The following TNFRSF25 variants were observed in gnomAD, a reference collection of about 807,000 sequenced individuals.
TNFRSF25 encodes tumor necrosis factor receptor superfamily member 25.
In TNFRSF25, 28 loss-of-function variants were observed where a neutral mutation model predicts 49.4. That is an observed-to-expected ratio of 0.57 (90% CI 0.42 to 0.78). The LOEUF (loss-of-function observed/expected upper bound fraction) is 0.78, where lower values mean the gene tolerates loss of function less well. Among genes scored for constraint, TNFRSF25 ranks in the 30% least tolerant of loss-of-function variants. The pLI, the probability that TNFRSF25 is intolerant of heterozygous loss-of-function variation, is 0.00. For missense variants in TNFRSF25, 531 were observed against 581.6 expected (o/e 0.91, Z 0.90); for synonymous variants, 240 against 234.2 (o/e 1.02, Z -0.23).
At chr1:6,465,840 G>C (rs946624431) in intron 1 of TNFRSF25, 36 of 1,425,056 alleles carry the variant, frequency 2.5e-5, no homozygotes, top group Admixed American at 6.0e-5. Context: ...CTTTCTGTTG[G>C]GGGAGGGACA....
chr1:6,465,817 A>C, intron 1 of TNFRSF25: 1 of 1,415,770 alleles, frequency 7.1e-7, no homozygotes, highest in South Asian at 1.6e-5. Context: ...CAGCGCCCCC[A>C]CCCCCACCCA....
chr1:6,465,750 G>A (rs912326464), intron 1 of TNFRSF25, 190 bp from the exon 2 acceptor site: 2 of 1,428,428 alleles, frequency 1.4e-6, no homozygotes, highest in Non-Finnish European at 1.8e-6. Context: ...ACCAGGCTTC[G>A]GAGGGGGCGC....
At chr1:6,463,407 G>A (rs1302189875) in intron 5 of TNFRSF25, 4 of 542,628 alleles carry the variant, frequency 7.4e-6, no homozygotes, top group Non-Finnish European at 1.3e-5. Flanking sequence ...AGAACAGTGT[G>A]TAGAACATAG....
intron 1 of TNFRSF25, 189 bp downstream of exon 1, chr1:6,465,880 C>G: frequency 1.4e-6 from 2 of 1,420,924 alleles, no homozygotes; most frequent in Non-Finnish European, 1.8e-6. Context: ...GGCCCCCAGA[C>G]CCTCCTGGGA....
At position 6,462,350 on chromosome 1, in the gene TNFRSF25, G is replaced by A; in HGVS notation, c.745-176C>T. The A allele has an allele frequency of 1.7e-6, 2 of 1,145,416 alleles. No individual in the cohort carries two copies. Among genetic ancestry groups the A allele is most frequent in the Admixed American group, 3.0e-5 (1 of 33,796 alleles). The allele number at this position is 1,145,416 out of a possible 1,614,324, so 71.0% of individuals were successfully genotyped here. A position where few individuals can be genotyped will look rare whatever the true frequency, so the allele number is the denominator to read the frequency against. On this transcript the variant is annotated intron_variant, in intron 8 of 9. Coordinates refer to ENST00000356876, the MANE Select transcript of TNFRSF25 (RefSeq NM_003790.3). This position sits in a 1 kb window ranked among gnomAD's most constrained non-coding sequence, Gnocchi z 4.2. ...CCAGCAGAACTCTTGCTTCTGCCTT[G>A]AGTCCCCTGCCCCCGCCTCCTTCCT...
chr1:6,463,166 C>T lies in TNFRSF25; in HGVS notation c.543-39G>A, dbSNP rs766328501. Reference sequence around the variant, plus strand: ...GGGTGGCCTGAGGGATGAGGGGGTGCATGCCAGGAGGGGCTCCCTAAGACT... The same window carrying T: ...GGGTGGCCTGAGGGATGAGGGGGTGTATGCCAGGAGGGGCTCCCTAAGACT... On this transcript the variant is annotated intron_variant, in intron 5 of 9. Coordinates refer to ENST00000356876, the MANE Select transcript of TNFRSF25 (RefSeq NM_003790.3). The T allele has an allele frequency of 8.6e-5, 133 of 1,546,250 alleles. 1 individual carries two copies. In the East Asian group the frequency reaches 3.2e-3, roughly 37 times the overall value.
Position 6,462,475 on chromosome 1 carries a change from C to G in TNFRSF25, c.744+154G>C, listed in dbSNP as rs1644206306. 1 of 1,492,860 alleles carries G rather than the reference C, an allele frequency of 6.7e-7. No homozygotes were observed. Among genetic ancestry groups the G allele is most frequent in the Admixed American group, 2.4e-5 (1 of 41,674 alleles). 92.5% of individuals were successfully genotyped at this position (1,492,860 alleles called of 1,614,324 possible). The stretch of plus-strand genomic sequence containing the variant: ...ACTGAGCACCCCTTGAGGGCAGGCA[C>G]TGTGCTGGTCTCATCCACTGATGAC... On this transcript the variant is annotated intron_variant, in intron 8 of 9. Transcript: ENST00000356876. The surrounding 1 kb of genome is among the most constrained non-coding windows in gnomAD (Gnocchi z 4.2).
rs557759297 is a variant in TNFRSF25 at position 6,465,611 on chromosome 1, C to G, written c.40-51G>C. ...CAGCGCAGCTGCCCACGTGGGGCCTCTCCCTGCTGCGTCTCCTCCATTTCA... is the reference window on the plus strand; with the variant it reads ...CAGCGCAGCTGCCCACGTGGGGCCTGTCCCTGCTGCGTCTCCTCCATTTCA... On this transcript the variant is annotated intron_variant, in intron 1 of 9. Transcript: ENST00000356876. The G allele has an allele frequency of 5.1e-6, 8 of 1,580,468 alleles. No homozygotes were observed. The East Asian group carries it at 1.4e-4, about 28-fold the overall frequency.
Position 6,462,744 on chromosome 1 carries a change from T to C in TNFRSF25, c.707-78A>G. ...GGGTGCTGGTACAGCTCCTCTAGGG[T>C]TCCTCTGCACCCCACACTCCCTGCC... On this transcript the variant is annotated intron_variant, in intron 7 of 9. Transcript: ENST00000356876. The surrounding 1 kb of genome is among the most constrained non-coding windows in gnomAD (Gnocchi z 4.2). 1 of 1,591,686 alleles carries C rather than the reference T, an allele frequency of 6.3e-7. No homozygotes were observed.
chr1:6,464,394 C>T lies in TNFRSF25; in HGVS notation c.523G>A (p.Gly175Ser), dbSNP rs776514042. Reference protein sequence around the residue: ...CLPGFYEHGDGCVSCPTSTLG... With the variant: ...CLPGFYEHGDSCVSCPTSTLG... ...AATTACGTGGGGCAGGACACGCAGC[C>T]ATCGCCATGTTCATAGAAGCCAGGC... Residue 175 changes from glycine to serine, a missense_variant, in exon 5 of 10, where the codon GGC becomes AGC. Physicochemically the swap from Gly to Ser is moderately conservative, Grantham distance 56. Coordinates refer to ENST00000356876, the MANE Select transcript of TNFRSF25 (RefSeq NM_003790.3). The T allele has an allele frequency of 3.2e-5, 52 of 1,610,664 alleles. No individual in the cohort carries two copies. Among genetic ancestry groups the T allele is most frequent in the Non-Finnish European group, 3.9e-5 (46 of 1,178,806 alleles).
rs997576431 is a variant in TNFRSF25 at position 6,461,283 on chromosome 1, G to A, written c.*151C>T. On this transcript the variant is annotated 3_prime_UTR_variant, in exon 10 of 10. Transcript: ENST00000356876. This position sits in a 1 kb window ranked among gnomAD's most constrained non-coding sequence, Gnocchi z 6.3. ...CTTCTTCGCCTTGGCTGGAGCGATA[G>A]GGGCGAGCAGGGGTGGGGCCGGCTG... 2 of 974,752 alleles carry A rather than the reference G, an allele frequency of 2.1e-6. No individual in the cohort carries two copies. The highest frequency in any genetic ancestry group is 3.2e-6 in the Non-Finnish European group (2 of 622,904). The allele number at this position is 974,752 out of a possible 1,614,324, so 60.4% of individuals were successfully genotyped here.
chr1:6,464,663 T>C lies in TNFRSF25; in HGVS notation c.352A>G (p.Lys118Glu). The change falls in exon 4 of 10, where the codon AAG (lysine) becomes GAG (glutamate). Residue 118 changes from lysine (K) to glutamate (E), a missense_variant. Transcript: ENST00000356876. ...TGGCACTCCACAAACCAGCCTGGCT[T>C]ACAGCCACAGCGGGTGTCGGCCACT... is the stretch of plus-strand genomic sequence containing the variant. ...SAVADTRCGC[K>E]PGWFVECQVS... is the part of the protein sequence containing the mutation. The C allele has an allele frequency of 6.2e-7, 1 of 1,614,034 alleles. No homozygotes were observed. Among genetic ancestry groups the C allele is most frequent in the Non-Finnish European group, 8.5e-7 (1 of 1,180,022 alleles).
Position 6,462,133 on chromosome 1 carries a change from T to C in TNFRSF25, c.786A>G (p.Leu262=), listed in dbSNP as rs369486433. The C allele has an allele frequency of 2.7e-5, 43 of 1,613,042 alleles. No homozygotes were observed. Among genetic ancestry groups the C allele is most frequent in the Non-Finnish European group, 3.5e-5 (41 of 1,179,692 alleles). Residue 262 remains leucine (L), a synonymous_variant, in exon 9 of 10, where the codon CTA becomes CTG. Transcript: ENST00000356876. This position sits in a 1 kb window ranked among gnomAD's most constrained non-coding sequence, Gnocchi z 4.2. The part of the protein sequence containing the change: ...LSPLDSAHTL[L]APPDSSEKIC... ...TCTTCTCACTGCTGTCAGGAGGTGC[T>C]AGAAGGGTGTGGGCGCTGTCCAAGG...
chr1:6,464,180 A>G (rs1557727263), intron 5 of TNFRSF25, 195 bp downstream of exon 5: 6 of 1,443,570 alleles, frequency 4.2e-6, no homozygotes, highest in Non-Finnish European at 5.5e-6. Flanking sequence ...ACCCTTATGT[A>G]TCTGGCTAAG....
At position 6,466,164 on chromosome 1, in the gene TNFRSF25, T is replaced by C; in HGVS notation, c.-57A>G. ...GCTCCGTGCTCTCTGCCCGTCGTGG[T>C]TCCGCCTTCAGCCCCGCGCCCGCAG... is the stretch of plus-strand genomic sequence containing the variant. On this transcript the variant is annotated 5_prime_UTR_variant, in exon 1 of 10. Transcript: ENST00000356876. The C allele has an allele frequency of 7.3e-7, 1 of 1,379,294 alleles. No homozygotes were observed. 85.4% of individuals were successfully genotyped at this position (1,379,294 alleles called of 1,614,324 possible).
At chr1:6,465,784 C>T (rs1432502033) in intron 1 of TNFRSF25, 15 of 1,427,576 alleles carry the variant, frequency 1.1e-5, no homozygotes, top group African/African-American at 4.3e-5. Flanking sequence ...ACAAGTTTCC[C>T]CTCCACCAGA....
Position 6,461,699 on chromosome 1 carries a change from TGCA to T in TNFRSF25, c.986_988del (p.Leu329del), listed in dbSNP as rs769907640. The T allele has an allele frequency of 3.2e-6, 5 of 1,572,880 alleles. No individual in the cohort carries two copies. Among genetic ancestry groups the T allele is most frequent in the African/African-American group, 2.7e-5 (2 of 74,260 alleles). ...CACGTCGTAGAGCTGCGGGCCCGGC[TGCA>T]GCATCATGGCTGGCGAGCCGGCTGG... On this transcript the variant is annotated inframe_deletion, in exon 10 of 10. Coordinates refer to ENST00000356876, the MANE Select transcript of TNFRSF25 (RefSeq NM_003790.3). This position sits in a 1 kb window ranked among gnomAD's most constrained non-coding sequence, Gnocchi z 6.3.
chr1:6,462,564 A>T lies in TNFRSF25; in HGVS notation c.744+65T>A. 1.3e-6 allele frequency: 2 copies of T among 1,583,544 alleles called. No homozygotes were observed. Among genetic ancestry groups the T allele is most frequent in the South Asian group, 1.2e-5 (1 of 85,670 alleles). On this transcript the variant is annotated intron_variant, in intron 8 of 9. Coordinates refer to ENST00000356876, the MANE Select transcript of TNFRSF25 (RefSeq NM_003790.3). This position sits in a 1 kb window ranked among gnomAD's most constrained non-coding sequence, Gnocchi z 4.2. The stretch of plus-strand genomic sequence containing the variant: ...GCTGGCCGCGTGCCAAGCTCCAGGG[A>T]TCATAGTAAGGCTTGATCTTCCAGC...
rs1312019750 is a variant in TNFRSF25, at chr1:6,462,033, C to A, written c.886G>T (p.Val296Leu). The A allele has an allele frequency of 6.2e-7, 1 of 1,613,144 alleles. No individual in the cohort carries two copies. The highest frequency in any genetic ancestry group is 1.7e-5 in the Admixed American group (1 of 59,922). The stretch of plus-strand genomic sequence containing the variant: ...GGCAACTGGTCCCAGGACCATGTCA[C>A]CTGCGGGCAGAGCGCCTCCTGGGTC... ...PETQEALCPQ[V>L]TWSWDQLPSR... Residue 296 changes from valine to leucine, a missense_variant, in exon 9 of 10, where the codon GTG becomes TTG. Transcript: ENST00000356876. The surrounding 1 kb of genome is among the most constrained non-coding windows in gnomAD (Gnocchi z 4.2).
Sources: allele counts gnomAD v4.1 joint callset, GRCh38; gene constraint gnomAD v4.1.1; non-coding constraint Gnocchi (gnomAD v3.1); transcripts MANE v1.5; gene names NCBI Gene and HGNC (gene_info 2026-07-23, HGNC 2026-07-21).